ITPR2: variants seen among roughly 807,000 people sequenced by gnomAD.
ITPR2 encodes inositol 1,4,5-trisphosphate-gated calcium channel ITPR2.
ITPR2 carries 207 observed loss-of-function variants against 317.1 expected under a neutral mutation model. The observed-to-expected ratio is 0.65, with a 90% CI of 0.58 to 0.73. The LOEUF is 0.73. Among genes scored for constraint, ITPR2 ranks in the 30% least tolerant of loss-of-function variants. The probability of loss-of-function intolerance (pLI) is 0.00; values close to 1 mark genes in which losing one functional copy is unlikely to be tolerated. For synonymous variants in ITPR2, 1,156 were observed against 1,149.1 expected, an observed-to-expected ratio of 1.01 and a Z score of -0.12; for missense variants, 2,613 against 3,284.0, an observed-to-expected ratio of 0.80 and a Z score of 4.99.
intron 48 of ITPR2, among the ~76,000 whole-genome samples, chr12:26,434,013 T>A (rs773661286): frequency 7.9e-5 from 12 of 152,198 alleles, no homozygotes; most frequent in Non-Finnish European, 1.8e-4. Context: ...AACATTTGTA[T>A]TATTAAAATA....
At chr12:26,728,346 T>A (rs913894227) in intron 2 of ITPR2, among the ~76,000 whole-genome samples, 1 of 152,180 alleles carries the variant, frequency 6.6e-6, no homozygotes, top group Non-Finnish European at 1.5e-5. Context: ...AATAGCCAAA[T>A]GAACAAGCTT....
intron 25 of ITPR2, 59 bp from the exon 26 acceptor site, chr12:26,621,355 T>C: frequency 7.4e-7 from 1 of 1,343,938 alleles, no homozygotes; most frequent in African/African-American, 1.5e-5. Flanking sequence ...TATTTATGAA[T>C]ATTTTAGATG....
intron 39 of ITPR2, among the ~76,000 whole-genome samples, chr12:26,491,249 T>C (rs987958970): frequency 2.0e-5 from 3 of 151,894 alleles, no homozygotes; most frequent in Non-Finnish European, 4.4e-5. Context: ...TTTGGGAGGC[T>C]GAGGCAGGTG....
intron 1 of ITPR2, among the ~76,000 whole-genome samples, chr12:26,816,823 G>T (rs1950863178): frequency 6.6e-6 from 1 of 152,078 alleles, no homozygotes; most frequent in African/African-American, 2.4e-5. Context: ...CAGGTGAGAG[G>T]TGTGCAGGTA....
At position 26,725,650 on chromosome 12, in the gene ITPR2, C is replaced by A; in HGVS notation, c.279G>T (p.Gln93His). The A allele has an allele frequency of 6.2e-7, 1 of 1,605,224 alleles. No individual in the cohort carries two copies. Among genetic ancestry groups the A allele is most frequent in the Non-Finnish European group, 8.5e-7 (1 of 1,172,424 alleles). Reference protein sequence around the residue: ...HTEAALLKKLQHAAELEQKQN... With the variant: ...HTEAALLKKLHHAAELEQKQN... ...AGACAATTGGAATCCTGGTCCTTAC[C>A]TGTAGTTTCTTCAGCAAGGCTGCCT... is the stretch of plus-strand genomic sequence containing the variant. The change falls in exon 3 of 57, where the codon CAG becomes CAT. Residue 93 changes from glutamine to histidine, a missense_variant and splice_region_variant. Gln to His is a conservative substitution (Grantham distance 24). Around this residue, in one of 9 missense-constraint regions of ITPR2, gnomAD observed 515 missense variants for 789.4 expected, o/e 0.65. Transcript: ENST00000381340.
Position 26,437,793 on chromosome 12 carries a change from T to C in ITPR2, c.6643+1334A>G, listed in dbSNP as rs181045522. 5.3e-5 allele frequency among the ~76,000 whole-genome samples: 8 copies of C among 152,182 alleles called. No homozygotes were observed. The South Asian group carries it at 1.7e-3, about 32-fold the overall frequency. On this transcript the variant is annotated intron_variant, in intron 47 of 56. Transcript: ENST00000381340. ...AGAAAATATATGTTTTTTTGTTTTGTTTTGGTTTTTGTTTGTTTGTTTTAT... is the reference window on the plus strand; with the variant it reads ...AGAAAATATATGTTTTTTTGTTTTGCTTTGGTTTTTGTTTGTTTGTTTTAT...
chr12:26,577,989 T>C (rs1051941213), intron 34 of ITPR2, among the ~76,000 whole-genome samples: 1 of 152,200 alleles, frequency 6.6e-6, no homozygotes, highest in Non-Finnish European at 1.5e-5. Context: ...ACCCAACAAA[T>C]GTTAACAGTG....
chr12:26,354,012 G>A (rs1396743590), intron 55 of ITPR2, among the ~76,000 whole-genome samples: 1 of 152,220 alleles, frequency 6.6e-6, no homozygotes, highest in Non-Finnish European at 1.5e-5. Flanking sequence ...AGTGGCTCAT[G>A]CATGTAATCC....
Position 26,682,050 on chromosome 12 carries a change from A to T in ITPR2, c.1249-16T>A. ...AGGTTCCAATCTGAAATGTTTTTCC[A>T]TTAAGCTTAGTTTTATAAACAACTA... On this transcript the variant is annotated splice_polypyrimidine_tract_variant and intron_variant, in intron 12 of 56. Coordinates refer to ENST00000381340, the MANE Select transcript of ITPR2 (RefSeq NM_002223.4). 6.2e-7 allele frequency: 1 copy of T among 1,605,590 alleles called. No individual in the cohort carries two copies. The highest frequency in any genetic ancestry group is 8.5e-7 in the Non-Finnish European group (1 of 1,174,668).
chr12:26,421,613 TA>T (rs1940893871), intron 49 of ITPR2, among the ~76,000 whole-genome samples: 1 of 152,316 alleles, frequency 6.6e-6, no homozygotes, highest in South Asian at 2.1e-4. Context: ...TTTCATGTCA[TA>T]AAAAAGTTGA....
chr12:26,438,771 T>C (rs956315337), intron 47 of ITPR2, among the ~76,000 whole-genome samples: 1 of 152,182 alleles, frequency 6.6e-6, no homozygotes, highest in Admixed American at 6.5e-5. Flanking sequence ...AGCTGATGTC[T>C]CTCAATCCTA....
chr12:26,778,045 T>G (rs1236198710), intron 2 of ITPR2, among the ~76,000 whole-genome samples: 2 of 152,126 alleles, frequency 1.3e-5, no homozygotes, highest in African/African-American at 4.8e-5. Flanking sequence ...CAGGTTCAAC[T>G]TACAGTGGGT....
intron 13 of ITPR2, among the ~76,000 whole-genome samples, chr12:26,669,272 A>G (rs1947695191): frequency 6.6e-6 from 1 of 152,054 alleles, no homozygotes; most frequent in Non-Finnish European, 1.5e-5. Flanking sequence ...TAAAAGGCAA[A>G]TAATAAAAGG....
chr12:26,616,316 T>C (rs920019360), intron 26 of ITPR2, among the ~76,000 whole-genome samples: 3 of 151,930 alleles, frequency 2.0e-5, no homozygotes, highest in Admixed American at 2.0e-4. Flanking sequence ...TTTTTGTATT[T>C]TTAGTAGAGA....
At chr12:26,598,429 C>T (rs552833022) in intron 30 of ITPR2, among the ~76,000 whole-genome samples, 2,364 of 152,234 alleles carry the variant, frequency 0.016, 25 homozygotes, top group Non-Finnish European at 0.024. Flanking sequence ...TGGGTGGAAG[C>T]TCCCTTAACC....
At chr12:26,646,505 T>C (rs1262682610) in intron 21 of ITPR2, among the ~76,000 whole-genome samples, 1 of 151,862 alleles carries the variant, frequency 6.6e-6, no homozygotes, top group African/African-American at 2.4e-5. Context: ...AGATGGAGAG[T>C]TGACATCCTC....
At chr12:26,687,714 G>A (rs976584403) in intron 10 of ITPR2, among the ~76,000 whole-genome samples, 1 of 152,134 alleles carries the variant, frequency 6.6e-6, no homozygotes, top group Non-Finnish European at 1.5e-5. Flanking sequence ...CCGTTGAAAT[G>A]GGAATGGGCA....
At chr12:26,673,303 C>G (rs1947832463) in intron 13 of ITPR2, among the ~76,000 whole-genome samples, 1 of 152,106 alleles carries the variant, frequency 6.6e-6, no homozygotes, top group Admixed American at 6.5e-5. Flanking sequence ...CAATAAAATA[C>G]TGGCAAACCA....
intron 34 of ITPR2, among the ~76,000 whole-genome samples, chr12:26,576,490 A>G (rs1945279988): frequency 6.6e-6 from 1 of 152,102 alleles, no homozygotes; most frequent in Non-Finnish European, 1.5e-5. Context: ...ATTCAGTTCT[A>G]AAATCTTTAG....
Sources: allele counts gnomAD v4.1 joint callset (sites outside exome capture counted in the v4.1 genomes callset), GRCh38; gene constraint gnomAD v4.1.1; regional missense constraint gnomAD v4.1.1; transcripts MANE v1.5; gene names NCBI Gene and HGNC (gene_info 2026-07-23, HGNC 2026-07-21).